The following CLK3 variants were observed in gnomAD, a reference collection of about 807,000 sequenced individuals.
CLK3 encodes the protein dual specificity protein kinase CLK3.
CLK3 carries 24 observed loss-of-function variants against 65.2 expected under a neutral mutation model. The observed-to-expected ratio is 0.37, with a 90% CI of 0.27 to 0.52. The LOEUF is 0.52. Ranked by LOEUF, CLK3 falls within the 20% of genes least tolerant of loss-of-function variation. The pLI, the probability that CLK3 is intolerant of heterozygous loss-of-function variation, is 0.92. For missense variants in CLK3, 506 were observed against 660.0 expected (o/e 0.77, Z 2.56); for synonymous variants, 252 against 240.8 (o/e 1.05, Z -0.43).
At chr15:74,619,497 C>T (rs1375084136) in intron 2 of CLK3, 149 bp downstream of exon 2, 2 of 809,110 alleles carry the variant, frequency 2.5e-6, no homozygotes, top group Non-Finnish European at 3.9e-6. Flanking sequence ...CTAACCTCAC[C>T]TGCATGCCTT....
chr15:74,625,148 A>G lies in CLK3; in HGVS notation c.650+130A>G, dbSNP rs145056813. The G allele has an allele frequency of 9.1e-4, 632 of 693,194 alleles. 4 individuals are homozygous for G. In the African/African-American group the frequency reaches 9.6e-3, roughly 11 times the overall value. The allele number at this position is 693,194 out of a possible 1,614,324, so 42.9% of individuals were successfully genotyped here. ...ACTCAGAACCAGGGGAGTGTGGCAAAGGTCTTGCTGGAAGCCTTTAGACTG... is the reference window on the plus strand; with the variant it reads ...ACTCAGAACCAGGGGAGTGTGGCAAGGGTCTTGCTGGAAGCCTTTAGACTG... On this transcript the variant is annotated intron_variant, in intron 6 of 12. Coordinates refer to ENST00000395066, the MANE Select transcript of CLK3 (RefSeq NM_001130028.2).
chr15:74,625,979 A>G lies in CLK3; in HGVS notation c.817+11A>G, dbSNP rs1596290521. On this transcript the variant is annotated intron_variant, in intron 7 of 12. Coordinates refer to ENST00000395066, the MANE Select transcript of CLK3 (RefSeq NM_001130028.2). ...GCCACGCCCTTAGATGTAAGTGTCC[A>G]CCCTCAAAAGAAGCATGGGCAGCCA... 4 of 1,613,252 alleles carry G rather than the reference A, an allele frequency of 2.5e-6. No individual in the cohort carries two copies. The highest frequency in any genetic ancestry group is 1.7e-5 in the Admixed American group (1 of 59,992).
At chr15:74,611,278 T>C (rs1173623526), upstream of CLK3, among the ~76,000 whole-genome samples, 1 of 152,238 alleles carries the variant, frequency 6.6e-6, no homozygotes, top group Non-Finnish European at 1.5e-5. Flanking sequence ...CCTGAGAATA[T>C]GGCACCAGAT....
Position 74,625,797 on chromosome 15 carries a change from TCC to T in CLK3, c.651-4_651-3del. ...GCCTGAGCCCTGCCCATCCTCCTCC[TCC>T]AGCCTGTGTGTCTTGATGTCTGACT... On this transcript the variant is annotated splice_region_variant and splice_polypyrimidine_tract_variant and intron_variant, in intron 6 of 12. Transcript: ENST00000395066. The T allele has an allele frequency of 6.2e-7, 1 of 1,613,290 alleles. No individual in the cohort carries two copies.
upstream of CLK3, chr15:74,615,635 G>T (rs767730663): frequency 5.7e-4 from 719 of 1,252,186 alleles, no homozygotes; most frequent in Non-Finnish European, 6.0e-4. Flanking sequence ...GGCGGGAGGC[G>T]GGCCGGGCCA....
upstream of CLK3, among the ~76,000 whole-genome samples, chr15:74,612,303 G>A (rs1337779787): frequency 6.6e-6 from 1 of 152,182 alleles, no homozygotes; most frequent in Non-Finnish European, 1.5e-5. Flanking sequence ...CACTGCTCAG[G>A]TACCTCTCTG....
intron 12 of CLK3, 63 bp downstream of exon 12, chr15:74,629,095 C>A: frequency 8.0e-7 from 1 of 1,252,146 alleles, no homozygotes; most frequent in Non-Finnish European, 1.2e-6. Flanking sequence ...ACTGGGCAGA[C>A]ATACAGCAGA....
intron 1 of CLK3, among the ~76,000 whole-genome samples, chr15:74,616,774 G>C (rs572132736): frequency 1.3e-5 from 2 of 152,340 alleles, no homozygotes; most frequent in East Asian, 3.9e-4. Flanking sequence ...AATCCGGGAG[G>C]GCAGCCGCTG....
intron 2 of CLK3, among the ~76,000 whole-genome samples, chr15:74,619,611 C>T (rs757366257): frequency 1.3e-5 from 2 of 152,194 alleles, no homozygotes; most frequent in African/African-American, 4.8e-5. Flanking sequence ...AGCATCTTTC[C>T]GCTTAACCTC....
chr15:74,630,064 C>T lies in CLK3; in HGVS notation c.*181C>T, dbSNP rs1017456970. On this transcript the variant is annotated 3_prime_UTR_variant, in exon 13 of 13. Coordinates refer to ENST00000395066, the MANE Select transcript of CLK3 (RefSeq NM_001130028.2). ...CAGCTGCCAGAAAGCACAGATTTGACCCAAGCTATTTATATGTTATAAAGT... is the reference window on the plus strand; with the variant it reads ...CAGCTGCCAGAAAGCACAGATTTGATCCAAGCTATTTATATGTTATAAAGT... 1.6e-6 allele frequency: 1 copy of T among 606,678 alleles called. No individual in the cohort carries two copies. Among genetic ancestry groups the T allele is most frequent in the Non-Finnish European group, 2.9e-6 (1 of 343,254 alleles). 37.6% of individuals were successfully genotyped at this position (606,678 alleles called of 1,614,324 possible). A position where few individuals can be genotyped will look rare whatever the true frequency, so the allele number is the denominator to read the frequency against.
In CLK3 at chr15:74,620,110, G is replaced by GTAGTCCAT; in HGVS notation, c.254_255insTAGTCCAT (p.Pro86SerfsTer103). 1 of 1,614,218 alleles carries GTAGTCCAT rather than the reference G, an allele frequency of 6.2e-7. No individual in the cohort carries two copies. ...CCATCCTTTGGAGAGGACTACTATG[G>GTAGTCCAT]ACCTTCACGTTCTCGTCATCGTCGG... On this transcript the variant is annotated frameshift_variant, in exon 3 of 13. Coordinates refer to ENST00000395066, the MANE Select transcript of CLK3 (RefSeq NM_001130028.2). LOFTEE classifies it high-confidence loss of function.
rs762787240 is a variant in CLK3 at position 74,625,853 on chromosome 15, C to T, written c.702C>T (p.Ile234=). ...TCAACTTCCACGGTCACATGTGCAT[C>T]GCCTTTGAGCTCCTGGGCAAGAACA... ...DWFNFHGHMC[I]AFELLGKNTF... The change falls in exon 7 of 13, where the codon ATC becomes ATT. Residue 234 remains isoleucine (I), a synonymous_variant. Transcript: ENST00000395066. 37 of 1,614,014 alleles carry T rather than the reference C, an allele frequency of 2.3e-5. No individual in the cohort carries two copies. The highest frequency in any genetic ancestry group is 2.8e-5 in the Non-Finnish European group (33 of 1,180,044).
At chr15:74,610,962 G>T (rs1403167285), upstream of CLK3, among the ~76,000 whole-genome samples, 2 of 152,220 alleles carry the variant, frequency 1.3e-5, no homozygotes, top group African/African-American at 4.8e-5. Flanking sequence ...AGCTTGCACA[G>T]CCATCTCCCC....
chr15:74,625,188 C>T (rs1432052140), intron 6 of CLK3, among the ~76,000 whole-genome samples, 170 bp downstream of exon 6: 9 of 152,152 alleles, frequency 5.9e-5, no homozygotes, highest in Non-Finnish European at 1.3e-4. Flanking sequence ...CCAGTCTTCA[C>T]CCCAGCTGTC....
At chr15:74,625,430 G>C (rs767494546) in intron 6 of CLK3, among the ~76,000 whole-genome samples, 22 of 152,300 alleles carry the variant, frequency 1.4e-4, no homozygotes, top group Middle Eastern at 3.4e-3. Flanking sequence ...GCTCAGCAGA[G>C]TGAGCAAGTG....
chr15:74,627,052 TCTG>T lies in CLK3; in HGVS notation c.818-296_818-294del. ...ACCACCTCGAGGCTGTTGCTGTAGCTCTGCTGAGAGACAGGTGAGGAGGCCTGG... is the reference window on the plus strand; with the variant it reads ...ACCACCTCGAGGCTGTTGCTGTAGCTCTGAGAGACAGGTGAGGAGGCCTGG... On this transcript the variant is annotated intron_variant, in intron 7 of 12. Coordinates refer to ENST00000395066, the MANE Select transcript of CLK3 (RefSeq NM_001130028.2). This position sits in a 1 kb window ranked among gnomAD's most constrained non-coding sequence, Gnocchi z 4.3. The T allele has an allele frequency of 1.9e-6, 1 of 521,966 alleles. No homozygotes were observed. Among genetic ancestry groups the T allele is most frequent in the Non-Finnish European group, 3.7e-6 (1 of 270,292 alleles). The allele number at this position is 521,966 out of a possible 1,614,324, so 32.3% of individuals were successfully genotyped here.
chr15:74,628,881 T>G lies in CLK3; in HGVS notation c.1206-61T>G, dbSNP rs1182955147. On this transcript the variant is annotated intron_variant, in intron 11 of 12. Transcript: ENST00000395066. ...GTCTTGGGAGCTGCTCTTCCCCACC[T>G]CCCACCAGAGGCTTGTCCCCTTACT... 3.9e-6 allele frequency: 5 copies of G among 1,271,566 alleles called. 1 individual carries two copies. In the East Asian group the frequency reaches 9.3e-5, roughly 24 times the overall value. The allele number at this position is 1,271,566 out of a possible 1,614,324, so 78.8% of individuals were successfully genotyped here.
At chr15:74,613,420 G>A (rs779217548), upstream of CLK3, 1 of 152,342 alleles carries the variant, frequency 6.6e-6, no homozygotes, top group Non-Finnish European at 1.5e-5. Context: ...ACCTCACCTG[G>A]GGGCAGATCT....
At chr15:74,615,570 A>G, upstream of CLK3, 1 of 1,267,332 alleles carries the variant, frequency 7.9e-7, no homozygotes, top group Non-Finnish European at 9.9e-7. Context: ...CTGAGAGCCC[A>G]GCCGGCCCGG....
Sources: allele counts gnomAD v4.1 joint callset (sites outside exome capture counted in the v4.1 genomes callset), GRCh38; gene constraint gnomAD v4.1.1; non-coding constraint Gnocchi (gnomAD v3.1); transcripts MANE v1.5; gene names NCBI Gene and HGNC (gene_info 2026-07-23, HGNC 2026-07-21).